CD302: variants seen among roughly 807,000 people sequenced by gnomAD.
CD302 encodes CD302 antigen.
In CD302, 23 loss-of-function variants were observed where a neutral mutation model predicts 26.5. The observed-to-expected ratio is 0.87, with a 90% CI of 0.62 to 1.23. CD302 has a LOEUF of 1.23. CD302 is among the 50% of genes most tolerant of loss of function. CD302 has a pLI of 0.00. For missense variants in CD302, 290 were observed against 275.5 expected (o/e 1.05, Z -0.37); for synonymous variants, 90 against 99.4 (o/e 0.91, Z 0.56).
rs1353136681 is a variant in CD302 at position 159,770,743 on chromosome 2, G to A, written c.*1108C>T. ...AGTATTCAGCACAGTAACATGCTGT[G>A]TAGGTTTGGGACAAAATAGGCTCTA... On this transcript the variant is annotated 3_prime_UTR_variant, in exon 6 of 6. Transcript: ENST00000259053. The A allele has an allele frequency of 6.6e-6, 1 of 152,136 alleles. No individual in the cohort carries two copies. Among genetic ancestry groups the A allele is most frequent in the African/African-American group, 2.4e-5 (1 of 41,414 alleles). The allele number at this position is 152,136 out of a possible 1,614,324, so 9.4% of individuals were successfully genotyped here.
At chr2:159,779,655 G>A (rs1324634386) in intron 4 of CD302, among the ~76,000 whole-genome samples, 1 of 151,432 alleles carries the variant, frequency 6.6e-6, no homozygotes, top group African/African-American at 2.4e-5. Flanking sequence ...TTGAGACAGA[G>A]TGTTGCTCTG....
In CD302 at chr2:159,769,942, C is replaced by T. The variant is rs560981435; in HGVS notation, c.*1909G>A. 8 of 152,092 alleles carry T rather than the reference C, an allele frequency of 5.3e-5. No individual in the cohort carries two copies. Among genetic ancestry groups the T allele is most frequent in the African/African-American group, 1.2e-4 (5 of 41,400 alleles). The allele number at this position is 152,092 out of a possible 1,614,324, so 9.4% of individuals were successfully genotyped here. On this transcript the variant is annotated 3_prime_UTR_variant, in exon 6 of 6. Coordinates refer to ENST00000259053, the MANE Select transcript of CD302 (RefSeq NM_014880.5). ...ACTTGACAATGTGGCTAATGTAATTCGAAAACTGGATTTTAAACTAAATTT... is the reference window on the plus strand; with the variant it reads ...ACTTGACAATGTGGCTAATGTAATTTGAAAACTGGATTTTAAACTAAATTT...
At chr2:159,778,250 AAG>A (rs1193699801) in intron 4 of CD302, among the ~76,000 whole-genome samples, 3 of 152,300 alleles carry the variant, frequency 2.0e-5, no homozygotes, top group East Asian at 1.9e-4. Context: ...TAAAGGAAAA[AAG>A]AGGATTCTGG....
At chr2:159,780,498 A>G (rs149145819) in intron 3 of CD302, among the ~76,000 whole-genome samples, 1 of 152,360 alleles carries the variant, frequency 6.6e-6, no homozygotes, top group African/African-American at 2.4e-5. Context: ...ATGTTTACAT[A>G]TGTACTTTTA....
chr2:159,771,730 A>G lies in CD302; in HGVS notation c.*121T>C, dbSNP rs1340096452. On this transcript the variant is annotated 3_prime_UTR_variant, in exon 6 of 6. Transcript: ENST00000259053. The stretch of plus-strand genomic sequence containing the variant: ...CAGCAGATGAGTACATAAAAATGTT[A>G]CTGGAATAAGGAATACCATTAAAGC... 2 of 1,141,004 alleles carry G rather than the reference A, an allele frequency of 1.8e-6. No homozygotes were observed. The highest frequency in any genetic ancestry group is 2.5e-6 in the Non-Finnish European group (2 of 814,350). The allele number at this position is 1,141,004 out of a possible 1,614,324, so 70.7% of individuals were successfully genotyped here.
intron 1 of CD302, among the ~76,000 whole-genome samples, chr2:159,789,055 T>C (rs1708740019): frequency 6.6e-6 from 1 of 151,992 alleles, no homozygotes; most frequent in African/African-American, 2.4e-5. Context: ...TCTCTCTCTG[T>C]CACCCAGGCT....
Position 159,769,271 on chromosome 2 carries a change from C to T in CD302, c.*2580G>A, listed in dbSNP as rs1406141557. ...GTTTCTACATTCTGGATGTAGTAAA[C>T]AAGCCTGCCTGTGTAATCCAATTAT... On this transcript the variant is annotated 3_prime_UTR_variant, in exon 6 of 6. Coordinates refer to ENST00000259053, the MANE Select transcript of CD302 (RefSeq NM_014880.5). 3 of 152,182 alleles carry T rather than the reference C, an allele frequency of 2.0e-5. No individual in the cohort carries two copies. The highest frequency in any genetic ancestry group is 4.4e-5 in the Non-Finnish European group (3 of 68,028). 9.4% of individuals were successfully genotyped at this position (152,182 alleles called of 1,614,324 possible). A position where few individuals can be genotyped will look rare whatever the true frequency, so the allele number is the denominator to read the frequency against.
chr2:159,780,730 A>G (rs1001239483), intron 3 of CD302, 152 bp downstream of exon 3: 2 of 712,178 alleles, frequency 2.8e-6, no homozygotes, highest in Non-Finnish European at 4.9e-6. Flanking sequence ...TGCAGATACA[A>G]GCTGTGGTAT....
chr2:159,775,475 C>G (rs1378460135), intron 5 of CD302, among the ~76,000 whole-genome samples: 1 of 152,136 alleles, frequency 6.6e-6, no homozygotes, highest in Non-Finnish European at 1.5e-5. Flanking sequence ...GCTTAAAAGT[C>G]ATAGTTCTAG....
rs369067540 is a variant in CD302, at chr2:159,771,821, T to G, written c.*30A>C. 8 of 1,608,402 alleles carry G rather than the reference T, an allele frequency of 5.0e-6. 1 individual carries two copies. The South Asian group carries it at 8.8e-5, about 18-fold the overall frequency. On this transcript the variant is annotated 3_prime_UTR_variant, in exon 6 of 6. Transcript: ENST00000259053. ...AAGTTATCTCTGCCAGGGCATTTTG[T>G]TGATGTCTTAGTGCAAGATTACCAA...
At chr2:159,798,046 G>C (rs953777728) in intron 1 of CD302, 86 bp downstream of exon 1, 49 of 1,308,630 alleles carry the variant, frequency 3.7e-5, no homozygotes, top group Non-Finnish European at 4.8e-5. Context: ...GGCCGCCCTC[G>C]GGTGCGCGGG....
intron 4 of CD302, among the ~76,000 whole-genome samples, chr2:159,778,967 C>T (rs1195938660): frequency 6.6e-6 from 1 of 152,060 alleles, no homozygotes; most frequent in Non-Finnish European, 1.5e-5. Context: ...CACAGTGGCT[C>T]ACGTCTGTAA....
intron 1 of CD302, among the ~76,000 whole-genome samples, chr2:159,785,617 T>C (rs1037551070): frequency 6.6e-6 from 1 of 152,212 alleles, no homozygotes; most frequent in Admixed American, 6.5e-5. Flanking sequence ...GGTAGATCCT[T>C]TCCCTGAGAA....
chr2:159,780,024 TC>T lies in CD302; in HGVS notation c.449del (p.Gly150GlufsTer21), dbSNP rs1233364689. The T allele has an allele frequency of 6.2e-7, 1 of 1,614,066 alleles. No homozygotes were observed. Among genetic ancestry groups the T allele is most frequent in the South Asian group, 1.1e-5 (1 of 91,060 alleles). The part of the protein sequence containing the change: ...KGNCEVSSVE[G>X]TLCKTAIPYK... ...ACTTACTAGCTGTTTTGCATAGTGT[TC>T]CTTCCACAGAAGAAACTTCACAATT... On this transcript the variant is annotated frameshift_variant, in exon 4 of 6. Transcript: ENST00000259053. LOFTEE classifies it high-confidence loss of function.
intron 5 of CD302, among the ~76,000 whole-genome samples, chr2:159,774,217 G>A (rs890415655): frequency 6.6e-6 from 1 of 152,010 alleles, no homozygotes; most frequent in Non-Finnish European, 1.5e-5. Flanking sequence ...AACCATTCAA[G>A]TCTTTTATGT....
At chr2:159,777,363 A>T (rs912471250) in intron 5 of CD302, among the ~76,000 whole-genome samples, 2 of 152,280 alleles carry the variant, frequency 1.3e-5, no homozygotes, top group Admixed American at 6.5e-5. Context: ...AAATAAATTG[A>T]CAATACCATC....
chr2:159,774,687 C>G (rs545863933), intron 5 of CD302, among the ~76,000 whole-genome samples: 1 of 152,314 alleles, frequency 6.6e-6, no homozygotes, highest in South Asian at 2.1e-4. Flanking sequence ...CTCCTGCATC[C>G]TCTCCAGTAA....
chr2:159,794,305 T>TAAAATAAAATAAAATAATAAA (rs1553795853), intron 1 of CD302, among the ~76,000 whole-genome samples: 5 of 108,396 alleles, frequency 4.6e-5, no homozygotes, highest in African/African-American at 1.0e-4. Flanking sequence ...AATAAAATAA[T>TAAAATAAAATAAAATAATAAA]AAAAAAAAAA....
chr2:159,779,244 A>AAAC (rs1708433819), intron 4 of CD302, among the ~76,000 whole-genome samples: 1 of 151,292 alleles, frequency 6.6e-6, no homozygotes, highest in African/African-American at 2.4e-5. Flanking sequence ...AAAAAAAAAA[A>AAAC]AAAAAAAAAA....
Sources: allele counts gnomAD v4.1 joint callset (sites outside exome capture counted in the v4.1 genomes callset), GRCh38; gene constraint gnomAD v4.1.1; transcripts MANE v1.5; gene names NCBI Gene and HGNC (gene_info 2026-07-23, HGNC 2026-07-21).